The following TOP2A variants were observed in gnomAD, a reference collection of about 807,000 sequenced individuals.
The protein encoded by TOP2A is DNA topoisomerase II alpha, also known as DNA topoisomerase 2-alpha.
A neutral mutation model predicts 187.2 loss-of-function variants in TOP2A; 68 were observed. The ratio of observed to expected loss-of-function variants is 0.36; its 90% confidence interval spans 0.30 to 0.44. TOP2A has a LOEUF of 0.44. Among genes scored for constraint, TOP2A ranks in the 20% least tolerant of loss-of-function variants. The probability of loss-of-function intolerance (pLI) is 1.00; values close to 1 mark genes in which losing one functional copy is unlikely to be tolerated. For missense variants in TOP2A, 1,196 were observed against 1,808.7 expected (o/e 0.66, Z 6.14); for synonymous variants, 542 against 593.2 (o/e 0.91, Z 1.25).
intron 22 of TOP2A, 57 bp from the exon 23 acceptor site, chr17:40,400,466 G>A (rs2143647662): frequency 6.2e-7 from 1 of 1,601,644 alleles, no homozygotes; most frequent in Non-Finnish European, 8.5e-7. Context: ...ATAGTCAACA[G>A]CAATAGTACA....
Position 40,391,495 on chromosome 17 carries a change from T to C in TOP2A, c.4267+11A>G, listed in dbSNP as rs368262724. On this transcript the variant is annotated intron_variant, in intron 33 of 34. Coordinates refer to ENST00000423485, the MANE Select transcript of TOP2A (RefSeq NM_001067.4). ...TTGCAACATTAACCCATCTCAAAGA[T>C]TTAGGCTTACTTTTTGCTGCTGTCT... 6.3e-5 allele frequency: 101 copies of C among 1,606,104 alleles called. No homozygotes were observed. The African/African-American group carries it at 1.2e-3, about 19-fold the overall frequency.
intron 22 of TOP2A, 48 bp from the exon 23 acceptor site, chr17:40,400,457 TAGTC>T (rs751280766): frequency 6.2e-7 from 1 of 1,605,734 alleles, no homozygotes; most frequent in Non-Finnish European, 8.5e-7. Flanking sequence ...GGCTTCTGAA[TAGTC>T]AACAGCAATA....
intron 4 of TOP2A, among the ~76,000 whole-genome samples, chr17:40,414,030 T>C (rs1399709732): frequency 6.6e-6 from 1 of 152,094 alleles, no homozygotes; most frequent in East Asian, 1.9e-4. Context: ...GCTTAGTTCC[T>C]GACATTCCTG....
chr17:40,392,346 T>TA lies in TOP2A; in HGVS notation c.3965-6dup. On this transcript the variant is annotated splice_polypyrimidine_tract_variant and splice_region_variant and intron_variant, in intron 30 of 34. Coordinates refer to ENST00000423485, the MANE Select transcript of TOP2A (RefSeq NM_001067.4). ...CCATTGTGAATTTTGTTTTTGCTAG[T>TA]AAAAAAACCATATACAAAAAAATCA... The TA allele has an allele frequency of 1.3e-6, 2 of 1,578,416 alleles. No individual in the cohort carries two copies. Among genetic ancestry groups the TA allele is most frequent in the Admixed American group, 1.9e-5 (1 of 53,146 alleles).
chr17:40,391,921 C>T (rs1473610534), intron 32 of TOP2A, 147 bp downstream of exon 32: 2 of 914,336 alleles, frequency 2.2e-6, no homozygotes, highest in African/African-American at 3.4e-5. Context: ...GAAACTAAAC[C>T]CAGTGAACAG....
At chr17:40,399,842 T>C in intron 24 of TOP2A, 30 bp downstream of exon 24, 1 of 1,547,792 alleles carries the variant, frequency 6.5e-7, no homozygotes, top group East Asian at 2.3e-5. Flanking sequence ...ACTAGAGTTT[T>C]AGTAAGCAGT....
chr17:40,412,773 C>T lies in TOP2A; in HGVS notation c.775G>A (p.Gly259Arg). Residue 259 changes from glycine (G) to arginine (R), a missense_variant, in exon 7 of 35, where the codon GGA becomes AGA. Gly to Arg is a moderately radical substitution (Grantham distance 125, BLOSUM62 -2). This residue lies in a region of TOP2A where 252 missense variants were observed against 434.8 expected (regional missense o/e 0.58). Transcript: ENST00000423485. The part of the protein sequence containing the change: ...STKDVKVFLN[G>R]NKLPVKGFRS... ...AAAATACTCACTGGCAGTTTATTTC[C>T]ATTAAGAAAGACTTTGACATCTTTG... 6.2e-7 allele frequency: 1 copy of T among 1,613,602 alleles called. No homozygotes were observed. The highest frequency in any genetic ancestry group is 1.1e-5 in the South Asian group (1 of 91,052).
intron 10 of TOP2A, chr17:40,409,149 G>C (rs1409002044): frequency 3.6e-6 from 1 of 281,162 alleles, no homozygotes; most frequent in Admixed American, 5.6e-5. Flanking sequence ...AGCCAAGATC[G>C]CACCATTGCA....
At position 40,406,399 on chromosome 17, in the gene TOP2A, A is replaced by G; in HGVS notation, c.1938T>C (p.Asp646=). ...IQFKYSGPED[D]AAISLAFSKK... ...TCAAACCTACCAGGCTGATAGCAGC[A>G]TCATCTTCAGGACCAGAATATTTGA... Residue 646 remains aspartate, a synonymous_variant, in exon 16 of 35, where the codon GAT becomes GAC. Transcript: ENST00000423485. The G allele has an allele frequency of 6.2e-7, 1 of 1,612,548 alleles. No individual in the cohort carries two copies. The highest frequency in any genetic ancestry group is 1.1e-5 in the South Asian group (1 of 90,996).
chr17:40,392,555 TTATC>T (rs1270061424), intron 30 of TOP2A, 26 bp downstream of exon 30: 1 of 1,591,796 alleles, frequency 6.3e-7, no homozygotes, highest in Non-Finnish European at 8.5e-7. Context: ...CTCTTACAGT[TTATC>T]TATAATGTTC....
chr17:40,392,027 C>T (rs2143621366), intron 32 of TOP2A, 41 bp downstream of exon 32: 2 of 1,593,362 alleles, frequency 1.3e-6, no homozygotes, highest in Non-Finnish European at 1.7e-6. Flanking sequence ...CTGAGTGTCC[C>T]AGTAAGGCAG....
At chr17:40,392,949 G>A (rs2035044797) in intron 29 of TOP2A, among the ~76,000 whole-genome samples, 1 of 152,192 alleles carries the variant, frequency 6.6e-6, no homozygotes, top group African/African-American at 2.4e-5. Context: ...GCTCATGCCT[G>A]TAATCCCAGC....
In TOP2A at chr17:40,389,245, C is replaced by T; in HGVS notation, c.*274G>A. ...TGATCAGATAGCTATTTCTACAGTTCAGAAGAACTTAAAAATCAGGTTTTA... is the reference window on the plus strand; with the variant it reads ...TGATCAGATAGCTATTTCTACAGTTTAGAAGAACTTAAAAATCAGGTTTTA... On this transcript the variant is annotated 3_prime_UTR_variant, in exon 35 of 35. Coordinates refer to ENST00000423485, the MANE Select transcript of TOP2A (RefSeq NM_001067.4). 3.0e-6 allele frequency: 1 copy of T among 329,646 alleles called. No individual in the cohort carries two copies. 20.4% of individuals were successfully genotyped at this position (329,646 alleles called of 1,614,324 possible).
chr17:40,403,775 T>G (rs2035208833), intron 19 of TOP2A, among the ~76,000 whole-genome samples: 1 of 152,218 alleles, frequency 6.6e-6, no homozygotes, highest in African/African-American at 2.4e-5. Context: ...TTTCCTCACC[T>G]GAGAATAGAC....
intron 20 of TOP2A, 129 bp downstream of exon 20, chr17:40,402,777 A>T: frequency 1.1e-6 from 1 of 927,612 alleles, no homozygotes; most frequent in Non-Finnish European, 1.6e-6. Flanking sequence ...TATAAGCCTC[A>T]CCCCTGGCCT....
rs1425757379 is a variant in TOP2A, at chr17:40,390,813, T to A, written c.4268-649A>T. Among the ~76,000 whole-genome samples the A allele has an allele frequency of 2.0e-5, 3 of 151,562 alleles. No homozygotes were observed. In the South Asian group the frequency reaches 6.2e-4, roughly 32 times the overall value. On this transcript the variant is annotated intron_variant, in intron 33 of 34. Coordinates refer to ENST00000423485, the MANE Select transcript of TOP2A (RefSeq NM_001067.4). ...GCTAATTTTGTGTTTTTAGTAGAGATGAGGTTTCACTATGTTGGCCAGGCT... is the reference window on the plus strand; with the variant it reads ...GCTAATTTTGTGTTTTTAGTAGAGAAGAGGTTTCACTATGTTGGCCAGGCT...
intron 1 of TOP2A, among the ~76,000 whole-genome samples, chr17:40,417,347 C>G (rs2035404142): frequency 6.6e-6 from 1 of 152,106 alleles, no homozygotes; most frequent in South Asian, 2.1e-4. Context: ...AGGAAGGGGG[C>G]GCTTTTGTAA....
At position 40,398,535 on chromosome 17, in the gene TOP2A, CATG is replaced by C; in HGVS notation, c.3537+20_3537+22del. 1 of 1,533,628 alleles carries C rather than the reference CATG, an allele frequency of 6.5e-7. No individual in the cohort carries two copies. Among genetic ancestry groups the C allele is most frequent in the Non-Finnish European group, 8.8e-7 (1 of 1,133,368 alleles). On this transcript the variant is annotated intron_variant, in intron 27 of 34. Coordinates refer to ENST00000423485, the MANE Select transcript of TOP2A (RefSeq NM_001067.4). ...ATTATTTCATTAATAAAAATTCTAACATGGGCATTATAAACTACATACCTCCAA... is the reference window on the plus strand; with the variant it reads ...ATTATTTCATTAATAAAAATTCTAACGGCATTATAAACTACATACCTCCAA...
Position 40,408,639 on chromosome 17 carries a change from G to C in TOP2A, c.1204-9C>G. 6.2e-7 allele frequency: 1 copy of C among 1,613,352 alleles called. No individual in the cohort carries two copies. The highest frequency in any genetic ancestry group is 8.5e-7 in the Non-Finnish European group (1 of 1,179,534). ...ATACCACAGCCAATGGCCTGAAAAC[G>C]AGAAGATTCATATTAGGGATCATAT... On this transcript the variant is annotated splice_polypyrimidine_tract_variant and intron_variant, in intron 10 of 34. Transcript: ENST00000423485.
Sources: allele counts gnomAD v4.1 joint callset (sites outside exome capture counted in the v4.1 genomes callset), GRCh38; gene constraint gnomAD v4.1.1; regional missense constraint gnomAD v4.1.1; transcripts MANE v1.5; gene names NCBI Gene and HGNC (gene_info 2026-07-23, HGNC 2026-07-21).